The following NFIB variants were observed in gnomAD, a reference collection of about 807,000 sequenced individuals.
NFIB encodes the protein nuclear factor 1 B-type.
NFIB carries 11 observed loss-of-function variants against 61.5 expected under a neutral mutation model. The ratio of observed to expected loss-of-function variants is 0.18; its 90% CI spans 0.11 to 0.30. The LOEUF (loss-of-function observed/expected upper bound fraction) is 0.30. Ranked by LOEUF, NFIB falls within the 10% of genes least tolerant of loss-of-function variation. The pLI, the probability that NFIB is intolerant of heterozygous loss-of-function variation, is 1.00. For missense variants in NFIB, 471 were observed against 608.9 expected (o/e 0.77, Z 2.38); for synonymous variants, 260 against 216.5 (o/e 1.20, Z -1.76).
At chr9:14,235,765 T>C (rs765255523) in intron 2 of NFIB, among the ~76,000 whole-genome samples, 1 of 152,172 alleles carries the variant, frequency 6.6e-6, no homozygotes, top group South Asian at 2.1e-4. Context: ...GGACCTGATA[T>C]GTACAAGAAA....
At chr9:14,175,232 G>A (rs866593489) in intron 3 of NFIB, among the ~76,000 whole-genome samples, 35 of 136,386 alleles carry the variant, frequency 2.6e-4, no homozygotes, top group South Asian at 2.0e-3. Context: ...GGAGTGCAGT[G>A]GTGCGATCTC....
At chr9:14,469,160 A>G in the NFIB span, among the ~76,000 whole-genome samples, 2 of 152,214 alleles carry the variant, frequency 1.3e-5, no homozygotes, top group Non-Finnish European at 2.9e-5. Context: ...GCAGCCAGGT[A>G]TGAACACATT....
chr9:14,452,370 G>C, the NFIB span, among the ~76,000 whole-genome samples: 241 of 142,468 alleles, frequency 1.7e-3, 2 homozygotes, highest in African/African-American at 5.8e-3. Context: ...GGGAGGGTTG[G>C]AGATAAAGAA....
intron 2 of NFIB, among the ~76,000 whole-genome samples, chr9:14,247,272 G>A (rs1022230834): frequency 2.0e-5 from 3 of 152,196 alleles, no homozygotes; most frequent in African/African-American, 7.2e-5. Flanking sequence ...GATGCACAAT[G>A]TATTTAACTT....
chr9:14,183,650 C>G (rs1270987385), intron 2 of NFIB, among the ~76,000 whole-genome samples: 1 of 152,060 alleles, frequency 6.6e-6, no homozygotes, highest in African/African-American at 2.4e-5. Flanking sequence ...AGCGATCCGC[C>G]TACCTCGGCC....
At chr9:14,399,544 C>G (rs1425800067), upstream of NFIB, among the ~76,000 whole-genome samples, 1 of 151,692 alleles carries the variant, frequency 6.6e-6, no homozygotes, top group Non-Finnish European at 1.5e-5. Context: ...AAATACCTAC[C>G]CTTTGGTTTT....
the NFIB span, among the ~76,000 whole-genome samples, chr9:14,431,457 T>G: frequency 7.9e-5 from 12 of 152,152 alleles, no homozygotes; most frequent in Non-Finnish European, 1.8e-4. Flanking sequence ...GGTGGGTGAG[T>G]GCACAAGGCA....
At chr9:14,275,771 A>C (rs2057955809) in intron 2 of NFIB, among the ~76,000 whole-genome samples, 2 of 152,138 alleles carry the variant, frequency 1.3e-5, no homozygotes, top group Admixed American at 6.6e-5. Context: ...AAATAGATAA[A>C]TACGGCAGTA....
At chr9:14,184,585 A>G (rs922619099) in intron 2 of NFIB, among the ~76,000 whole-genome samples, 3 of 152,194 alleles carry the variant, frequency 2.0e-5, no homozygotes, top group Non-Finnish European at 4.4e-5. Flanking sequence ...TTAAATATAT[A>G]TGACAATAAA....
intron 2 of NFIB, among the ~76,000 whole-genome samples, chr9:14,189,133 G>A (rs117689786): frequency 0.012 from 1,900 of 152,220 alleles, 16 homozygotes; most frequent in Non-Finnish European, 0.02. Context: ...GAGTCTTCAC[G>A]CATTATTCTA....
chr9:14,088,826 A>G (rs1339925969), intron 10 of NFIB, among the ~76,000 whole-genome samples: 2 of 152,152 alleles, frequency 1.3e-5, no homozygotes, highest in Non-Finnish European at 2.9e-5. Context: ...AAGTACGGTG[A>G]AAGATATTTC....
intron 10 of NFIB, among the ~76,000 whole-genome samples, chr9:14,095,005 G>A (rs1311449232): frequency 6.6e-6 from 1 of 152,016 alleles, no homozygotes; most frequent in East Asian, 1.9e-4. Context: ...CTAATAAAGA[G>A]CACAGGGCAA....
intron 2 of NFIB, among the ~76,000 whole-genome samples, chr9:14,216,053 T>C (rs1034983408): frequency 1.8e-4 from 28 of 152,288 alleles, no homozygotes; most frequent in African/African-American, 6.5e-4. Flanking sequence ...TTCAATTCTA[T>C]TGCATACAGT....
intron 10 of NFIB, among the ~76,000 whole-genome samples, chr9:14,089,455 T>C (rs533357363): frequency 5.2e-4 from 78 of 150,468 alleles, no homozygotes; most frequent in African/African-American, 1.8e-3. Context: ...ATAAAAAAAA[T>C]CAGATCTACA....
chr9:14,419,954 C>A, the NFIB span, among the ~76,000 whole-genome samples: 1 of 152,026 alleles, frequency 6.6e-6, no homozygotes, highest in Non-Finnish European at 1.5e-5. Flanking sequence ...GTAAATTAGT[C>A]CTGGAGAGAG....
chr9:14,288,465 C>G (rs1029100088), intron 2 of NFIB, among the ~76,000 whole-genome samples: 1 of 152,036 alleles, frequency 6.6e-6, no homozygotes, highest in African/African-American at 2.4e-5. Flanking sequence ...GTCACCAAAA[C>G]AAACATTCCC....
chr9:14,172,833 G>T (rs1160873939), intron 3 of NFIB, among the ~76,000 whole-genome samples: 1 of 151,598 alleles, frequency 6.6e-6, no homozygotes, highest in African/African-American at 2.4e-5. Context: ...GCAATGACAT[G>T]GTCTCGGCCC....
rs552120469 is a variant in NFIB, at chr9:14,114,032, G to C, written c.1385-951C>G. On this transcript the variant is annotated intron_variant, in intron 9 of 10. Transcript: ENST00000380953. ...TACCATATATTACCTTTATTGTTCT[G>C]AAGAAAGCTACACTGTTTGGTTTAA... is the stretch of plus-strand genomic sequence containing the variant. 1.1e-4 allele frequency among the ~76,000 whole-genome samples: 16 copies of C among 152,254 alleles called. No homozygotes were observed. The East Asian group carries it at 2.9e-3, about 28-fold the overall frequency.
At chr9:14,343,496 A>C (rs1235885326) in intron 1 of NFIB, among the ~76,000 whole-genome samples, 1 of 152,124 alleles carries the variant, frequency 6.6e-6, no homozygotes, top group African/African-American at 2.4e-5. Context: ...GGTTTATTAA[A>C]AAAAAGTGTG....
Sources: allele counts gnomAD v4.1 joint callset (sites outside exome capture counted in the v4.1 genomes callset), GRCh38; gene constraint gnomAD v4.1.1; transcripts MANE v1.5; gene names NCBI Gene and HGNC (gene_info 2026-07-23, HGNC 2026-07-21).